The following GRXCR1 variants were observed in gnomAD, a reference collection of about 807,000 sequenced individuals.
GRXCR1 encodes the protein glutaredoxin and cysteine rich domain containing 1, also known as glutaredoxin domain-containing cysteine-rich protein 1.
Under a neutral mutation model 27.3 loss-of-function variants are expected in GRXCR1, and 27 were observed. The observed-to-expected ratio is 0.99, with a 90% CI of 0.73 to 1.37. The LOEUF is 1.37. Among genes scored for constraint, GRXCR1 ranks in the 40% most tolerant of loss-of-function variants. GRXCR1 has a pLI of 0.00. For missense variants in GRXCR1, 379 were observed against 354.4 expected (o/e 1.07, Z -0.56); for synonymous variants, 122 against 131.1 (o/e 0.93, Z 0.47).
chr4:42,987,265 T>TATTATATATA (rs1711797285), intron 2 of GRXCR1, among the ~76,000 whole-genome samples: 1 of 81,292 alleles, frequency 1.2e-5, no homozygotes, highest in African/African-American at 4.9e-5. Context: ...ATATATAATA[T>TATTATATATA]ATATATATAT....
chr4:42,916,800 G>A (rs1033558342), intron 1 of GRXCR1, among the ~76,000 whole-genome samples: 1 of 151,974 alleles, frequency 6.6e-6, no homozygotes, highest in African/African-American at 2.4e-5. Context: ...CCTCATCAAA[G>A]TTCTACATCC....
At chr4:42,912,079 A>G (rs1199578370) in intron 1 of GRXCR1, among the ~76,000 whole-genome samples, 3 of 152,140 alleles carry the variant, frequency 2.0e-5, no homozygotes, top group Non-Finnish European at 4.4e-5. Context: ...TCCCTGGATA[A>G]TTGACATTTA....
chr4:42,905,757 C>T (rs572818812), intron 1 of GRXCR1, among the ~76,000 whole-genome samples: 22 of 152,218 alleles, frequency 1.4e-4, no homozygotes, highest in South Asian at 1.2e-3. Context: ...AGAAAATTAC[C>T]GATGCATTCT....
At chr4:42,941,301 G>A (rs1203604412) in intron 1 of GRXCR1, among the ~76,000 whole-genome samples, 4 of 151,962 alleles carry the variant, frequency 2.6e-5, no homozygotes, top group Admixed American at 6.6e-5. Flanking sequence ...TTAGACTAAT[G>A]CATAGTTAAA....
intron 3 of GRXCR1, among the ~76,000 whole-genome samples, chr4:43,023,509 A>T (rs1035884786): frequency 6.6e-6 from 1 of 152,158 alleles, no homozygotes; most frequent in Non-Finnish European, 1.5e-5. Flanking sequence ...GTGGCCTCAA[A>T]CGTGAGGAGC....
intron 1 of GRXCR1, among the ~76,000 whole-genome samples, chr4:42,936,501 T>C (rs1484167473): frequency 6.6e-6 from 1 of 151,902 alleles, no homozygotes; most frequent in Non-Finnish European, 1.5e-5. Flanking sequence ...AGTTTCCATA[T>C]GACCAACACC....
In GRXCR1 at chr4:43,030,380, AGT is replaced by A; in HGVS notation, c.716_717del (p.Cys239SerfsTer40). 1 of 1,613,798 alleles carries A rather than the reference AGT, an allele frequency of 6.2e-7. No individual in the cohort carries two copies. The highest frequency in any genetic ancestry group is 8.5e-7 in the Non-Finnish European group (1 of 1,179,956). On this transcript the variant is annotated frameshift_variant, in exon 4 of 4. Coordinates refer to ENST00000399770, the MANE Select transcript of GRXCR1 (RefSeq NM_001080476.3). LOFTEE classifies it high-confidence loss of function. ...ATACAGAGAGTACAGCATCCACATG[AGT>A]GTCCCTCTTGTGGAGGCTTTGGCTT... is the stretch of plus-strand genomic sequence containing the variant.
At chr4:43,018,524 A>G (rs1327448910) in intron 2 of GRXCR1, among the ~76,000 whole-genome samples, 1 of 152,174 alleles carries the variant, frequency 6.6e-6, no homozygotes, top group African/African-American at 2.4e-5. Context: ...AAGAATATTG[A>G]GACAGGTCCT....
chr4:42,909,616 A>T (rs544923710), intron 1 of GRXCR1, among the ~76,000 whole-genome samples: 2 of 152,246 alleles, frequency 1.3e-5, no homozygotes, highest in South Asian at 4.2e-4. Flanking sequence ...TCATTAAAAA[A>T]TCCATTTACC....
chr4:43,020,621 T>C (rs1182186714), intron 3 of GRXCR1, among the ~76,000 whole-genome samples: 1 of 152,212 alleles, frequency 6.6e-6, no homozygotes, highest in Non-Finnish European at 1.5e-5. Context: ...TCTAATGATC[T>C]CATACTATTA....
At chr4:42,931,576 A>ATT (rs33967620) in intron 1 of GRXCR1, among the ~76,000 whole-genome samples, 24 of 150,956 alleles carry the variant, frequency 1.6e-4, no homozygotes, top group Non-Finnish European at 3.0e-4. Flanking sequence ...GGTCCTTTCA[A>ATT]TTTTTTTTTA....
At position 42,970,376 on chromosome 4, in the gene GRXCR1, G is replaced by A. The variant is rs531603993; in HGVS notation, c.627+7242G>A. On this transcript the variant is annotated intron_variant, in intron 2 of 3. Coordinates refer to ENST00000399770, the MANE Select transcript of GRXCR1 (RefSeq NM_001080476.3). ...TCCCCTCAGCACTGTTCTAGTAAAG[G>A]TTCTCCATGAGGACTCTACCCCTCT... Among the ~76,000 whole-genome samples the A allele has an allele frequency of 5.3e-5, 8 of 152,272 alleles. No homozygotes were observed. The South Asian group carries it at 1.7e-3, about 32-fold the overall frequency.
chr4:43,005,940 C>A (rs989652624), intron 2 of GRXCR1, among the ~76,000 whole-genome samples: 11 of 152,058 alleles, frequency 7.2e-5, no homozygotes, highest in Non-Finnish European at 1.0e-4. Context: ...AGTCAGGGAC[C>A]CCAAATGGAG....
At chr4:42,924,115 T>C (rs1185127410) in intron 1 of GRXCR1, among the ~76,000 whole-genome samples, 1 of 152,060 alleles carries the variant, frequency 6.6e-6, no homozygotes, top group Non-Finnish European at 1.5e-5. Flanking sequence ...AGGGAGAAGC[T>C]TTGATGCTTG....
chr4:43,008,014 C>T (rs910092023), intron 2 of GRXCR1, among the ~76,000 whole-genome samples: 4 of 152,186 alleles, frequency 2.6e-5, no homozygotes, highest in African/African-American at 7.2e-5. Flanking sequence ...ACATTATTCA[C>T]TAACATCTTT....
intron 2 of GRXCR1, among the ~76,000 whole-genome samples, chr4:42,985,887 T>C (rs974869120): frequency 6.6e-6 from 1 of 152,192 alleles, no homozygotes; most frequent in Non-Finnish European, 1.5e-5. Flanking sequence ...TAGCTTGACT[T>C]GAAAAAAATA....
chr4:43,004,659 A>T (rs1197593686), intron 2 of GRXCR1, among the ~76,000 whole-genome samples: 1 of 152,192 alleles, frequency 6.6e-6, no homozygotes, highest in African/African-American at 2.4e-5. Context: ...TTAAGATTTC[A>T]TAACTGCCCT....
At chr4:42,896,683 G>T (rs1441640170) in intron 1 of GRXCR1, among the ~76,000 whole-genome samples, 1 of 152,064 alleles carries the variant, frequency 6.6e-6, no homozygotes. Context: ...ATTCTTACAT[G>T]CACTAAGGCT....
intron 1 of GRXCR1, among the ~76,000 whole-genome samples, chr4:42,947,232 TGA>T (rs1747764031): frequency 6.6e-6 from 1 of 151,990 alleles, no homozygotes; most frequent in African/African-American, 2.4e-5. Flanking sequence ...TGGACAAAGC[TGA>T]GAGACTCTGA....
Sources: gnomAD v4.1 joint callset for allele counts (sites outside exome capture counted in the v4.1 genomes callset) on GRCh38, gnomAD v4.1.1 for gene constraint, MANE v1.5 for transcripts, NCBI Gene and HGNC (gene_info 2026-07-23, HGNC 2026-07-21) for gene names.